Variants in PUM3 observed in about 807,000 individuals in gnomAD.
PUM3 encodes pumilio RNA binding family member 3.
PUM3 carries 91 observed loss-of-function variants against 84.0 expected under a neutral mutation model. That is an observed-to-expected ratio of 1.08 (90% CI 0.91 to 1.29). The LOEUF is 1.29. Ranked by LOEUF, PUM3 falls within the 50% of genes most tolerant of loss-of-function variation. The pLI, the probability that PUM3 is intolerant of heterozygous loss-of-function variation, is 0.00. For missense variants in PUM3, 1,067 were observed against 767.5 expected (o/e 1.39, Z -4.61); for synonymous variants, 321 against 266.7 (o/e 1.20, Z -1.98).
intron 13 of PUM3, among the ~76,000 whole-genome samples, chr9:2,815,608 G>C (rs1821453695): frequency 6.6e-6 from 1 of 152,120 alleles, no homozygotes; most frequent in South Asian, 2.1e-4. Flanking sequence ...CTACTACCAG[G>C]AGCAAATCAG....
intron 5 of PUM3, among the ~76,000 whole-genome samples, chr9:2,831,872 A>C (rs904576023): frequency 1.3e-5 from 2 of 152,192 alleles, no homozygotes; most frequent in African/African-American, 4.8e-5. Flanking sequence ...TCCATTTGTC[A>C]CATTTTCATT....
intron 9 of PUM3, among the ~76,000 whole-genome samples, chr9:2,828,117 G>A (rs756278369): frequency 6.6e-6 from 1 of 152,066 alleles, no homozygotes; most frequent in East Asian, 1.9e-4. Flanking sequence ...ATGGCTCACT[G>A]CAGCCATGAC....
At chr9:2,841,101 G>T (rs1816254231) in intron 1 of PUM3, among the ~76,000 whole-genome samples, 1 of 152,106 alleles carries the variant, frequency 6.6e-6, no homozygotes. Flanking sequence ...TTGCTCATTT[G>T]TAACTTCCTT....
At chr9:2,835,646 T>C (rs1225184755) in intron 3 of PUM3, among the ~76,000 whole-genome samples, 2 of 152,192 alleles carry the variant, frequency 1.3e-5, no homozygotes, top group East Asian at 3.8e-4. Flanking sequence ...TCCTCTACTA[T>C]ACAATAGAGG....
chr9:2,837,250 T>C lies in PUM3; in HGVS notation c.234A>G (p.Pro78=). The C allele has an allele frequency of 1.9e-6, 3 of 1,614,124 alleles. No homozygotes were observed. Among genetic ancestry groups the C allele is most frequent in the Non-Finnish European group, 2.5e-6 (3 of 1,179,956 alleles). ...TATTTGCCGGCTGGAATTTGTTCTT[T>C]GGTGATTTGTCCCCTTGCTGCTTAT... The part of the protein sequence containing the change: ...FKNKQQGDKS[P]KNKFQPANKF... The change falls in exon 3 of 18, where the codon CCA becomes CCG. Residue 78 remains proline (P), a synonymous_variant. Transcript: ENST00000397885.
intron 7 of PUM3, 76 bp downstream of exon 7, chr9:2,830,886 T>A: frequency 1.3e-6 from 1 of 741,460 alleles, no homozygotes; most frequent in East Asian, 2.7e-5. Context: ...ACTTCCTATC[T>A]CGCATCTGAG....
intron 12 of PUM3, among the ~76,000 whole-genome samples, chr9:2,821,536 C>G (rs954163399): frequency 6.7e-5 from 10 of 148,196 alleles, no homozygotes; most frequent in Non-Finnish European, 3.0e-5. Flanking sequence ...GCTTTATGAA[C>G]TAATTAAGGA....
At chr9:2,810,773 TA>T (rs1221477835) in intron 15 of PUM3, among the ~76,000 whole-genome samples, 1 of 152,154 alleles carries the variant, frequency 6.6e-6, no homozygotes, top group African/African-American at 2.4e-5. Flanking sequence ...CAGACACAAA[TA>T]AACCTACAGG....
rs1000364099 is a variant in PUM3, at chr9:2,820,026, T to G, written c.1261A>C (p.Ile421Leu). The G allele has an allele frequency of 2.5e-6, 4 of 1,605,456 alleles. No homozygotes were observed. Among genetic ancestry groups the G allele is most frequent in the Admixed American group, 1.7e-5 (1 of 60,000 alleles). ...IDDTKLVKQIIISEIISSLPS... is the reference protein window; with the variant it reads ...IDDTKLVKQILISEIISSLPS... ...CCATCAGGATTACTTACTGATATGA[T>G]TATCTGCTTCACAAGCTTAGTATCA... is the stretch of plus-strand genomic sequence containing the variant. Residue 421 changes from isoleucine (I) to leucine (L), a missense_variant, in exon 13 of 18, where the codon ATC (isoleucine) becomes CTC (leucine). Ile to Leu is a conservative substitution (Grantham distance 5). Coordinates refer to ENST00000397885, the MANE Select transcript of PUM3 (RefSeq NM_014878.5).
At chr9:2,810,131 A>G (rs537168750) in intron 16 of PUM3, among the ~76,000 whole-genome samples, 13 of 151,720 alleles carry the variant, frequency 8.6e-5, no homozygotes, top group African/African-American at 3.1e-4. Flanking sequence ...GGGGGTTTGG[A>G]AAAAAGAAAA....
At chr9:2,810,120 G>T (rs535329676) in intron 16 of PUM3, among the ~76,000 whole-genome samples, 2 of 151,478 alleles carry the variant, frequency 1.3e-5, no homozygotes, top group African/African-American at 2.4e-5. Context: ...GGGCTGGCGG[G>T]GGGGGTTTGG....
chr9:2,811,110 G>C (rs895345106), intron 15 of PUM3, among the ~76,000 whole-genome samples: 1 of 152,134 alleles, frequency 6.6e-6, no homozygotes, highest in Non-Finnish European at 1.5e-5. Context: ...AGCACCTTGG[G>C]CACTCAATAC....
intron 16 of PUM3, 36 bp from the exon 17 acceptor site, chr9:2,807,940 A>C: frequency 7.7e-7 from 1 of 1,295,022 alleles, no homozygotes; most frequent in African/African-American, 1.4e-5. Context: ...AACATCACAT[A>C]ATAAGATATA....
chr9:2,838,159 T>C (rs952048657), intron 2 of PUM3, among the ~76,000 whole-genome samples: 6 of 152,190 alleles, frequency 3.9e-5, no homozygotes, highest in Non-Finnish European at 7.3e-5. Flanking sequence ...ATAAAATGTA[T>C]GGTGAACTAG....
At position 2,837,420 on chromosome 9, in the gene PUM3, A is replaced by T. The variant is rs768785273; in HGVS notation, c.83-19T>A. 3.3e-6 allele frequency: 5 copies of T among 1,503,670 alleles called. No homozygotes were observed. The South Asian group carries it at 5.8e-5, about 17-fold the overall frequency. 93.1% of individuals were successfully genotyped at this position (1,503,670 alleles called of 1,614,324 possible). A position where few individuals can be genotyped will look rare whatever the true frequency, so the allele number is the denominator to read the frequency against. ...CCAGAATCTAGTGACAATAATAATT[A>T]TAAGTTCAATGATTCTGGGCCCAAA... On this transcript the variant is annotated intron_variant, in intron 2 of 17. Coordinates refer to ENST00000397885, the MANE Select transcript of PUM3 (RefSeq NM_014878.5).
At chr9:2,804,538 A>G in intron 17 of PUM3, 75 bp from the exon 18 acceptor site, 1 of 1,398,054 alleles carries the variant, frequency 7.2e-7, no homozygotes. Context: ...CAACAGTAAA[A>G]AAGACTTTGT....
intron 3 of PUM3, among the ~76,000 whole-genome samples, chr9:2,836,439 T>C (rs1021805541): frequency 3.3e-5 from 5 of 152,110 alleles, no homozygotes; most frequent in South Asian, 2.1e-4. Context: ...TGTTATAAAA[T>C]AGAGAGCAAA....
In PUM3 at chr9:2,829,904, T is replaced by G. The variant is rs1417446680; in HGVS notation, c.722A>C (p.His241Pro). ...IAEIIRSFKG[H>P]VRKMLRHAEA... ...CGCATGCCGCAGCATCTTCCTCACGTGGCCTTTAAAACTTCTGATTATCTC... is the reference window on the plus strand; with the variant it reads ...CGCATGCCGCAGCATCTTCCTCACGGGGCCTTTAAAACTTCTGATTATCTC... The change falls in exon 8 of 18, where the codon CAC (histidine) becomes CCC (proline). Residue 241 changes from histidine (H) to proline (P), a missense_variant. Transcript: ENST00000397885. 6.2e-7 allele frequency: 1 copy of G among 1,613,956 alleles called. No individual in the cohort carries two copies. Among genetic ancestry groups the G allele is most frequent in the Non-Finnish European group, 8.5e-7 (1 of 1,179,848 alleles).
intron 12 of PUM3, 110 bp downstream of exon 12, chr9:2,823,658 AAATATAATAAAAC>A (rs1225036174): frequency 6.2e-6 from 3 of 484,758 alleles, no homozygotes; most frequent in African/African-American, 6.0e-5. Flanking sequence ...ATGCAAAGAA[AAATATAATAAAAC>A]AATAATTTTC....
Sources: gnomAD v4.1 joint callset for allele counts (sites outside exome capture counted in the v4.1 genomes callset) on GRCh38, gnomAD v4.1.1 for gene constraint, MANE v1.5 for transcripts, NCBI Gene and HGNC (gene_info 2026-07-23, HGNC 2026-07-21) for gene names.